Variants in BRIP1 observed in about 807,000 individuals in gnomAD.
BRIP1 encodes BRCA1 interacting DNA helicase 1, also known as Fanconi anemia group J protein.
Under a neutral mutation model 119.7 loss-of-function variants are expected in BRIP1, and 88 were observed. That is an observed-to-expected ratio of 0.74 (90% CI 0.62 to 0.88). BRIP1 has a LOEUF of 0.88. Among genes scored for constraint, BRIP1 ranks in the 40% least tolerant of loss-of-function variants. The probability of loss-of-function intolerance (pLI) is 0.00; values close to 1 mark genes in which losing one functional copy is unlikely to be tolerated. For missense variants in BRIP1, 1,259 were observed against 1,455.4 expected, an observed-to-expected ratio of 0.87 and a Z score of 2.20; for synonymous variants, 443 against 496.5, an observed-to-expected ratio of 0.89 and a Z score of 1.43.
chr17:61,697,007 G>T lies in BRIP1; in HGVS notation c.2493-3495C>A, dbSNP rs1255661246. On this transcript the variant is annotated intron_variant, in intron 17 of 19. Transcript: ENST00000259008. ...TCTCAAAAAAAAAAAAAAAAAAGGG[G>T]GGGGGAAGTGTTTTGATGACAAATT... Among the ~76,000 whole-genome samples the T allele has an allele frequency of 4.9e-3, 705 of 143,832 alleles. 5 individuals carry two copies. Among genetic ancestry groups the T allele is most frequent in the Non-Finnish European group, 8.8e-3 (577 of 65,440 alleles). 94.4% of individuals were successfully genotyped at this position (143,832 alleles called of 152,430 possible).
Position 61,860,892 on chromosome 17 carries a change from T to C in BRIP1, c.93+555A>G, listed in dbSNP as rs1313044605. On this transcript the variant is annotated intron_variant, in intron 2 of 19. Transcript: ENST00000259008. The surrounding 1 kb of genome is among the most constrained non-coding windows in gnomAD (Gnocchi z 4.1). ...ATAAAAAGTAAGGTACCGTATCACA[T>C]CAATGCACAGTTTCAAATATGTAAA... is the stretch of plus-strand genomic sequence containing the variant. Among the ~76,000 whole-genome samples the C allele has an allele frequency of 3.9e-5, 6 of 152,176 alleles. No individual in the cohort carries two copies. Among genetic ancestry groups the C allele is most frequent in the Admixed American group, 3.3e-4 (5 of 15,282 alleles).
At chr17:61,723,905 T>C (rs2062023161) in intron 16 of BRIP1, among the ~76,000 whole-genome samples, 1 of 152,156 alleles carries the variant, frequency 6.6e-6, no homozygotes, top group Non-Finnish European at 1.5e-5. Context: ...ATTTATTTGC[T>C]ACCATCTAAA....
At chr17:61,772,187 A>ATT (rs2077462361) in intron 14 of BRIP1, among the ~76,000 whole-genome samples, 2 of 130,064 alleles carry the variant, frequency 1.5e-5, no homozygotes, top group African/African-American at 5.8e-5. Flanking sequence ...ATATATATAT[A>ATT]TATATATATA....
rs914568443 is a variant in BRIP1, at chr17:61,681,979, CAG to C, written c.*1315_*1316del. On this transcript the variant is annotated 3_prime_UTR_variant, in exon 20 of 20. Coordinates refer to ENST00000259008, the MANE Select transcript of BRIP1 (RefSeq NM_032043.3). The surrounding 1 kb of genome is among the most constrained non-coding windows in gnomAD (Gnocchi z 5.1). ...AAAAGTCCCAATGCCCAGTGAATAACAGATGTTTCTTAAAAAGAGATCAATGA... is the reference window on the plus strand; with the variant it reads ...AAAAGTCCCAATGCCCAGTGAATAACATGTTTCTTAAAAAGAGATCAATGA... 51 of 200,738 alleles carry C rather than the reference CAG, an allele frequency of 2.5e-4. No individual in the cohort carries two copies. Among genetic ancestry groups the C allele is most frequent in the Middle Eastern group, 1.7e-3 (1 of 588 alleles). The allele number at this position is 200,738 out of a possible 1,614,324, so 12.4% of individuals were successfully genotyped here. A position where few individuals can be genotyped will look rare whatever the true frequency, so the allele number is the denominator to read the frequency against.
In BRIP1 at chr17:61,778,783, C is replaced by T. The variant is rs1439085938; in HGVS notation, c.1935+1478G>A. On this transcript the variant is annotated intron_variant, in intron 13 of 19. Coordinates refer to ENST00000259008, the MANE Select transcript of BRIP1 (RefSeq NM_032043.3). This position sits in a 1 kb window ranked among gnomAD's most constrained non-coding sequence, Gnocchi z 4.4. ...ACATTTCTCAGCAGGAACACTCTGG[C>T]ATTTGGAAAGCACAATTCTTAGTTA... Among the ~76,000 whole-genome samples, 1 of 152,176 alleles carries T rather than the reference C, an allele frequency of 6.6e-6. No individual in the cohort carries two copies. Among genetic ancestry groups the T allele is most frequent in the Admixed American group, 6.5e-5 (1 of 15,282 alleles).
Position 61,822,769 on chromosome 17 carries a change from A to T in BRIP1, c.628-14012T>A, listed in dbSNP as rs914412152. ...TGTGAATGGGGAAAAGTTTGTGTTT[A>T]AAAAAAAAAAGGCCCTGTATGACTA... is the stretch of plus-strand genomic sequence containing the variant. On this transcript the variant is annotated intron_variant, in intron 6 of 19. Transcript: ENST00000259008. This position sits in a 1 kb window ranked among gnomAD's most constrained non-coding sequence, Gnocchi z 4.4. 2.2e-5 allele frequency among the ~76,000 whole-genome samples: 3 copies of T among 136,728 alleles called. No individual in the cohort carries two copies. Among genetic ancestry groups the T allele is most frequent in the African/African-American group, 6.4e-5 (2 of 31,290 alleles). The allele number at this position is 136,728 out of a possible 152,430, so 89.7% of individuals were successfully genotyped here. A position where few individuals can be genotyped will look rare whatever the true frequency, so the allele number is the denominator to read the frequency against.
rs546913923 is a variant in BRIP1, at chr17:61,841,565, G to A, written c.627+5536C>T. 1.3e-5 allele frequency among the ~76,000 whole-genome samples: 2 copies of A among 152,214 alleles called. No homozygotes were observed. Among genetic ancestry groups the A allele is most frequent in the Non-Finnish European group, 2.9e-5 (2 of 68,008 alleles). On this transcript the variant is annotated intron_variant, in intron 6 of 19. Transcript: ENST00000259008. This position sits in a 1 kb window ranked among gnomAD's most constrained non-coding sequence, Gnocchi z 4.1. Reference sequence around the variant, plus strand: ...AAAAAAAATAACAAATGTTAGTGACGATGTGGAGAAGAAACTCATATACTA... The same window carrying A: ...AAAAAAAATAACAAATGTTAGTGACAATGTGGAGAAGAAACTCATATACTA...
chr17:61,800,075 C>A (rs1245572047), intron 8 of BRIP1, among the ~76,000 whole-genome samples: 1 of 152,120 alleles, frequency 6.6e-6, no homozygotes, highest in Admixed American at 6.6e-5. Context: ...ATGCTCTTTT[C>A]TCCAGGTGAG....
In BRIP1 at chr17:61,734,247, G is replaced by T. The variant is rs751007635; in HGVS notation, c.2379+8766C>A. 1.3e-5 allele frequency among the ~76,000 whole-genome samples: 2 copies of T among 152,110 alleles called. No individual in the cohort carries two copies. Among genetic ancestry groups the T allele is most frequent in the South Asian group, 4.1e-4 (2 of 4,820 alleles). ...TTTGCTTTAGATATCCATTAAAAAG[G>T]CAGCCTTGTTATACTGTGATTTAAT... On this transcript the variant is annotated intron_variant, in intron 16 of 19. Coordinates refer to ENST00000259008, the MANE Select transcript of BRIP1 (RefSeq NM_032043.3). The surrounding 1 kb of genome is among the most constrained non-coding windows in gnomAD (Gnocchi z 5.2).
At chr17:61,707,912 T>C (rs941737045) in intron 17 of BRIP1, among the ~76,000 whole-genome samples, 9 of 151,518 alleles carry the variant, frequency 5.9e-5, no homozygotes, top group Admixed American at 3.3e-4. Flanking sequence ...AGTGGTGCAA[T>C]CTCGGCTCAC....
intron 14 of BRIP1, among the ~76,000 whole-genome samples, chr17:61,747,461 G>A (rs1432718761): frequency 6.6e-6 from 1 of 151,510 alleles, no homozygotes; most frequent in Non-Finnish European, 1.5e-5. Context: ...AAGACACACT[G>A]ATGCCACCGA....
intron 6 of BRIP1, among the ~76,000 whole-genome samples, chr17:61,839,721 T>C (rs557537035): frequency 1.3e-5 from 2 of 152,306 alleles, no homozygotes; most frequent in Admixed American, 6.5e-5. Context: ...TATATCTTAA[T>C]GTTATGAGTA....
At chr17:61,849,671 ATCTG>A (rs1289247492) in intron 4 of BRIP1, among the ~76,000 whole-genome samples, 3 of 152,324 alleles carry the variant, frequency 2.0e-5, no homozygotes, top group Non-Finnish European at 4.4e-5. Context: ...AGCTCATATA[ATCTG>A]TCTTTTAATC....
In BRIP1 at chr17:61,759,450, GAGAT is replaced by G. The variant is rs1205950258; in HGVS notation, c.2098-14863_2098-14860del. On this transcript the variant is annotated intron_variant, in intron 14 of 19. Coordinates refer to ENST00000259008, the MANE Select transcript of BRIP1 (RefSeq NM_032043.3). The surrounding 1 kb of genome is among the most constrained non-coding windows in gnomAD (Gnocchi z 4.9). ...GCAAGTATTAAAGGATCTGAAAAGA[GAGAT>G]AGATTCTAATACAATAATAGTAGGA... 6.6e-6 allele frequency among the ~76,000 whole-genome samples: 1 copy of G among 152,116 alleles called. No individual in the cohort carries two copies. Among genetic ancestry groups the G allele is most frequent in the African/African-American group, 2.4e-5 (1 of 41,436 alleles).
chr17:61,808,908 T>A lies in BRIP1; in HGVS notation c.628-151A>T. Reference sequence around the variant, plus strand: ...AATTATAGTATCTAAAACTTGCCATTAAAGAAAAAACTACAATTTAAAATT... The same window carrying A: ...AATTATAGTATCTAAAACTTGCCATAAAAGAAAAAACTACAATTTAAAATT... On this transcript the variant is annotated intron_variant, in intron 6 of 19. Transcript: ENST00000259008. This position sits in a 1 kb window ranked among gnomAD's most constrained non-coding sequence, Gnocchi z 4.1. The A allele has an allele frequency of 1.2e-6, 1 of 813,386 alleles. No individual in the cohort carries two copies. The highest frequency in any genetic ancestry group is 1.9e-6 in the Non-Finnish European group (1 of 529,840). 50.4% of individuals were successfully genotyped at this position (813,386 alleles called of 1,614,324 possible).
chr17:61,748,898 G>A lies in BRIP1; in HGVS notation c.2098-4307C>T, dbSNP rs2077094376. ...CATGCCTGTAATCCCAGCACTTTGG[G>A]AGGCCAAGGCGGGCAGATCACGAGG... On this transcript the variant is annotated intron_variant, in intron 14 of 19. Coordinates refer to ENST00000259008, the MANE Select transcript of BRIP1 (RefSeq NM_032043.3). The surrounding 1 kb of genome is among the most constrained non-coding windows in gnomAD (Gnocchi z 4.7). Among the ~76,000 whole-genome samples the A allele has an allele frequency of 6.6e-6, 1 of 152,238 alleles. No homozygotes were observed. The highest frequency in any genetic ancestry group is 2.1e-4 in the South Asian group (1 of 4,832).
At position 61,724,080 on chromosome 17, in the gene BRIP1, T is replaced by A. The variant is rs7207074; in HGVS notation, c.2380-8017A>T. 0.77 allele frequency among the ~76,000 whole-genome samples: 117,426 copies of A among 151,916 alleles called. 45,982 individuals are homozygous for A. The highest frequency in any genetic ancestry group is 0.84 in the African/African-American group (34,795 of 41,448). ...GTCAAGTTTGTACCAAATGTAAAGC[T>A]CCCTTACTATGATAGTTTTTAGACA... On this transcript the variant is annotated intron_variant, in intron 16 of 19. Transcript: ENST00000259008. The surrounding 1 kb of genome is among the most constrained non-coding windows in gnomAD (Gnocchi z 5.1).
Position 61,857,181 on chromosome 17 carries a change from A to G in BRIP1, c.256T>C (p.Cys86Arg), listed in dbSNP as rs1555617900. Residue 86 changes from cysteine (C) to arginine (R), a missense_variant, in exon 4 of 20, where the codon TGT (cysteine) becomes CGT (arginine). Cys to Arg is a radical substitution (Grantham distance 180). Coordinates refer to ENST00000259008, the MANE Select transcript of BRIP1 (RefSeq NM_032043.3). The surrounding 1 kb of genome is among the most constrained non-coding windows in gnomAD (Gnocchi z 5.1). ...VSEKAEVQLSCCCACHSKDFT... is the reference protein window; with the variant it reads ...VSEKAEVQLSRCCACHSKDFT... ...TCCTTTGAATGGCATGCACAACAAC[A>G]TGACAATTGTACTTCAGCTTTTTCA... 2 of 1,614,166 alleles carry G rather than the reference A, an allele frequency of 1.2e-6. No homozygotes were observed. The highest frequency in any genetic ancestry group is 1.7e-6 in the Non-Finnish European group (2 of 1,179,988).
rs2078344181 is a variant in BRIP1, at chr17:61,822,667, T to C, written c.628-13910A>G. 6.6e-6 allele frequency among the ~76,000 whole-genome samples: 1 copy of C among 151,966 alleles called. No homozygotes were observed. The highest frequency in any genetic ancestry group is 1.5e-5 in the Non-Finnish European group (1 of 68,016). On this transcript the variant is annotated intron_variant, in intron 6 of 19. Transcript: ENST00000259008. The surrounding 1 kb of genome is among the most constrained non-coding windows in gnomAD (Gnocchi z 4.4). The stretch of plus-strand genomic sequence containing the variant: ...GACAGGAGAAAACATAACATGGTTA[T>C]AGCTAAGGAAAAGAATCAATAGAAA...
Sources: allele counts gnomAD v4.1 joint callset (sites outside exome capture counted in the v4.1 genomes callset), GRCh38; gene constraint gnomAD v4.1.1; non-coding constraint Gnocchi (gnomAD v3.1); transcripts MANE v1.5; gene names NCBI Gene and HGNC (gene_info 2026-07-23, HGNC 2026-07-21).